The following PLEC variants were observed in gnomAD, a reference collection of about 807,000 sequenced individuals.
PLEC encodes the protein plectin, also known as hemidesmosomal protein 1.
Under a neutral mutation model 392.8 loss-of-function variants are expected in PLEC, and 216 were observed. The ratio of observed to expected loss-of-function variants is 0.55; its 90% CI spans 0.49 to 0.62. PLEC has a LOEUF of 0.62. Among genes scored for constraint, PLEC ranks in the 20% least tolerant of loss-of-function variants. PLEC has a pLI of 0.00. For missense variants in PLEC, 6,863 were observed against 6,563.4 expected (o/e 1.05, Z -1.58); for synonymous variants, 3,621 against 2,980.6 (o/e 1.21, Z -7.00).
chr8:143,938,038 G>A lies in PLEC; in HGVS notation c.264+113C>T, dbSNP rs13439519. On this transcript the variant is annotated intron_variant, in intron 3 of 31. Transcript: ENST00000345136. Reference sequence around the variant, plus strand: ...TGCCCCCAGGGAGAAGGCAGGAGGGGTTGAGCTGGATTCCAAGTAGAGTGG... The same window carrying A: ...TGCCCCCAGGGAGAAGGCAGGAGGGATTGAGCTGGATTCCAAGTAGAGTGG... 0.37 allele frequency: 278,205 copies of A among 749,392 alleles called. 53,477 individuals carry two copies. Among genetic ancestry groups the A allele is most frequent in the Middle Eastern group, 0.42 (1,435 of 3,386 alleles). The allele number at this position is 749,392 out of a possible 1,614,324, so 46.4% of individuals were successfully genotyped here.
upstream of PLEC, among the ~76,000 whole-genome samples, chr8:143,954,348 C>T (rs1299276287): frequency 5.3e-5 from 8 of 152,168 alleles, no homozygotes; most frequent in Non-Finnish European, 1.0e-4. The surrounding 1 kb of genome is among the most constrained non-coding windows in gnomAD (Gnocchi z 4.6). Flanking sequence ...GGGCGTCTCG[C>T]CTCTGCGCAG....
At chr8:143,953,881 C>T, upstream of PLEC, 1 of 1,528,996 alleles carries the variant, frequency 6.5e-7, no homozygotes, top group Non-Finnish European at 8.8e-7. Context: ...AGGTCCGGGG[C>T]AGGGCTTGCC....
At chr8:143,973,684 C>G (rs1405163950), upstream of PLEC, among the ~76,000 whole-genome samples, 11 of 150,310 alleles carry the variant, frequency 7.3e-5, no homozygotes, top group African/African-American at 2.7e-4. The surrounding 1 kb of genome is among the most constrained non-coding windows in gnomAD (Gnocchi z 5.6). Context: ...GGGCCGGTTC[C>G]GCGGGCTCCG....
intron 5 of PLEC, among the ~76,000 whole-genome samples, chr8:143,936,624 G>C (rs1476063243): frequency 6.6e-6 from 1 of 152,246 alleles, no homozygotes; most frequent in Non-Finnish European, 1.5e-5. Flanking sequence ...TCTCAGATTT[G>C]TGGTTTCCTG....
upstream of PLEC, among the ~76,000 whole-genome samples, chr8:143,953,546 C>A (rs1284361355): frequency 3.9e-5 from 6 of 152,096 alleles, no homozygotes; most frequent in Non-Finnish European, 8.8e-5. Flanking sequence ...CAGTAGGACC[C>A]CGAACCAGGT....
intron 6 of PLEC, 143 bp downstream of exon 6, chr8:143,935,705 A>C: frequency 1.2e-6 from 1 of 867,862 alleles, no homozygotes; most frequent in East Asian, 2.6e-5. Context: ...TGGGCCCTGA[A>C]CTCCACCACC....
rs781794632 is a variant in PLEC at position 143,939,345 on chromosome 8, G to A, written c.112+5C>T. 4 of 1,610,492 alleles carry A rather than the reference G, an allele frequency of 2.5e-6. No homozygotes were observed. Among genetic ancestry groups the A allele is most frequent in the Non-Finnish European group, 3.4e-6 (4 of 1,178,912 alleles). On this transcript the variant is annotated splice_donor_5th_base_variant and intron_variant, in intron 1 of 31. Transcript: ENST00000345136. ...GGCGGGGGTGCCCGAGGGGAGCCCT[G>A]CTACCTTTCTTGCCCTCAGAGGCCC...
In PLEC at chr8:143,969,106, C is replaced by G. The variant is rs1214268613; in HGVS notation, c.70+4297G>C. On this transcript the variant is annotated intron_variant, in intron 1 of 31. Coordinates refer to the PLEC transcript ENST00000356346. This position sits in a 1 kb window ranked among gnomAD's most constrained non-coding sequence, Gnocchi z 5.1. ...ATAACAGCCAAAAGGTGGAAACAACCCACTATCCGTCAACTGATAAACGCA... is the reference window on the plus strand; with the variant it reads ...ATAACAGCCAAAAGGTGGAAACAACGCACTATCCGTCAACTGATAAACGCA... Among the ~76,000 whole-genome samples, 3 of 152,210 alleles carry G rather than the reference C, an allele frequency of 2.0e-5. No individual in the cohort carries two copies. Among genetic ancestry groups the G allele is most frequent in the Non-Finnish European group, 4.4e-5 (3 of 68,042 alleles).
chr8:143,932,297 C>G (rs1468949542), intron 16 of PLEC, 63 bp from the exon 17 acceptor site: 9 of 1,607,798 alleles, frequency 5.6e-6, no homozygotes. Flanking sequence ...ACGCTCCCAG[C>G]AAACTCGACC....
intron 10 of PLEC, 82 bp from the exon 11 acceptor site, chr8:143,934,527 A>G (rs959632217): frequency 4.3e-5 from 69 of 1,598,576 alleles, no homozygotes; most frequent in Non-Finnish European, 5.5e-5. Flanking sequence ...AGCCCACCAG[A>G]CCTGGGACAG....
In PLEC at chr8:143,925,676, A is replaced by C. The variant is rs1321411271; in HGVS notation, c.4253T>G (p.Ile1418Ser). Residue 1418 changes from isoleucine (I) to serine (S), a missense_variant, in exon 31 of 32, where the codon ATT becomes AGT. By Grantham distance (142) the Ile-to-Ser change is moderately radical. Coordinates refer to ENST00000345136, the MANE Select transcript of PLEC (RefSeq NM_201384.3). ...CCGCAGCTGCTGCAGCTCCTCCTGA[A>C]TGCTGCGCTTCTGCTGCTGCGCGTC... Reference protein sequence around the residue: ...AVDAQQQKRSIQEELQQLRQS... With the variant: ...AVDAQQQKRSSQEELQQLRQS... 1 of 1,590,278 alleles carries C rather than the reference A, an allele frequency of 6.3e-7. No individual in the cohort carries two copies. The highest frequency in any genetic ancestry group is 1.3e-5 in the African/African-American group (1 of 74,322).
upstream of PLEC, chr8:143,943,752 T>A (rs782350778): frequency 6.1e-5 from 98 of 1,604,700 alleles, no homozygotes; most frequent in Non-Finnish European, 7.9e-5. Flanking sequence ...CCGCCTCGAG[T>A]CCCTGGCAGC....
At position 143,922,871 on chromosome 8, in the gene PLEC, A is replaced by G; in HGVS notation, c.7058T>C (p.Met2353Thr). 2 of 1,581,146 alleles carry G rather than the reference A, an allele frequency of 1.3e-6. No homozygotes were observed. The highest frequency in any genetic ancestry group is 1.7e-6 in the Non-Finnish European group (2 of 1,164,884). Residue 2353 changes from methionine to threonine, a missense_variant, in exon 31 of 32, where the codon ATG (methionine) becomes ACG (threonine). By Grantham distance (81) the Met-to-Thr change is moderately conservative. Coordinates refer to ENST00000345136, the MANE Select transcript of PLEC (RefSeq NM_201384.3). ...CGTCTCCTCCGCCAGCTGCTGCGCC[A>G]TCTGCTCCTTGTCCTCCTGCAGCCG... ...ARRLQEDKEQ[M>T]AQQLAEETQG...
In PLEC at chr8:143,969,576, G is replaced by C. The variant is rs1587422018; in HGVS notation, c.70+3827C>G. Among the ~76,000 whole-genome samples the C allele has an allele frequency of 6.6e-6, 1 of 152,142 alleles. No homozygotes were observed. The highest frequency in any genetic ancestry group is 1.9e-4 in the East Asian group (1 of 5,196). On this transcript the variant is annotated intron_variant, in intron 1 of 31. Transcript: ENST00000356346. The surrounding 1 kb of genome is among the most constrained non-coding windows in gnomAD (Gnocchi z 5.1). ...CCTGGGGTGGGTGTGGCAGGGCGGG[G>C]ACAGTTCTAGGAGAGAGTTGTGGCA... is the stretch of plus-strand genomic sequence containing the variant.
chr8:143,955,004 C>T (rs972467479), upstream of PLEC, among the ~76,000 whole-genome samples: 3 of 152,124 alleles, frequency 2.0e-5, 1 homozygote, highest in Non-Finnish European at 4.4e-5. Context: ...CCCACGGGTA[C>T]GAGCTAACAG....
Position 143,917,310 on chromosome 8 carries a change from G to T in PLEC, c.12511C>A (p.Leu4171Met). ...TCCCACTCGCACTCCTGCTCGGACA[G>T]CTCCAGGTACGTCTGGTGGTCAATC... ...GLIDHQTYLE[L>M]SEQECEWEEI... is the part of the protein sequence containing the mutation. Residue 4171 changes from leucine (L) to methionine (M), a missense_variant, in exon 32 of 32, where the codon CTG (leucine) becomes ATG (methionine). Coordinates refer to ENST00000345136, the MANE Select transcript of PLEC (RefSeq NM_201384.3). 6.2e-7 allele frequency: 1 copy of T among 1,609,558 alleles called. No individual in the cohort carries two copies.
At chr8:143,929,900 C>T (rs1213116055) in intron 22 of PLEC, 36 bp downstream of exon 22, 1 of 1,605,090 alleles carries the variant, frequency 6.2e-7, no homozygotes, top group South Asian at 1.1e-5. Context: ...TCCCCTCCTC[C>T]CACCCAGAGA....
Position 143,935,282 on chromosome 8 carries a change from G to C in PLEC, c.634C>G (p.Arg212Gly). ...PLLIDMNKVYRQTNLENLDQA... is the reference protein window; with the variant it reads ...PLLIDMNKVYGQTNLENLDQA... ...TCCAGGTTCTCCAGGTTGGTCTGCC[G>C]GTACACCTTGTTCATGTCGATGAGC... Residue 212 changes from arginine (R) to glycine (G), a missense_variant, in exon 7 of 32, where the codon CGG (arginine) becomes GGG (glycine). Physicochemically the swap from Arg to Gly is moderately radical, Grantham distance 125. Transcript: ENST00000345136. 1.2e-6 allele frequency: 2 copies of C among 1,608,916 alleles called. No homozygotes were observed. The highest frequency in any genetic ancestry group is 2.2e-5 in the East Asian group (1 of 44,878).
In PLEC at chr8:143,925,575, C is replaced by T; in HGVS notation, c.4354G>A (p.Glu1452Lys). 3 of 1,582,140 alleles carry T rather than the reference C, an allele frequency of 1.9e-6. No individual in the cohort carries two copies. The highest frequency in any genetic ancestry group is 1.7e-6 in the Non-Finnish European group (2 of 1,171,996). ...TGCAGGCGCACCACGCGGATCTCCT[C>T]CTCGATGCGCAGCCGGCTGCGCTCA... ...AAERSRLRIE[E>K]EIRVVRLQLE... is the part of the protein sequence containing the mutation. Residue 1452 changes from glutamate (E) to lysine (K), a missense_variant, in exon 31 of 32, where the codon GAG becomes AAG. Glu to Lys is a moderately conservative substitution (Grantham distance 56). Transcript: ENST00000345136.
Sources: allele counts gnomAD v4.1 joint callset (sites outside exome capture counted in the v4.1 genomes callset), GRCh38; gene constraint gnomAD v4.1.1; non-coding constraint Gnocchi (gnomAD v3.1); transcripts MANE v1.5; gene names NCBI Gene and HGNC (gene_info 2026-07-23, HGNC 2026-07-21).